ARFGAP3: variants seen among roughly 807,000 people sequenced by gnomAD.
The protein encoded by ARFGAP3 is ARF GTPase activating protein 3, also known as ADP-ribosylation factor GTPase-activating protein 3.
In ARFGAP3, 72 loss-of-function variants were observed where a neutral mutation model predicts 75.0. The ratio of observed to expected loss-of-function variants is 0.96; its 90% CI spans 0.79 to 1.17. The LOEUF (loss-of-function observed/expected upper bound fraction) is 1.17. Ranked by LOEUF, ARFGAP3 falls within the 50% of genes most tolerant of loss-of-function variation. ARFGAP3 has a pLI of 0.00. For synonymous variants in ARFGAP3, 221 were observed against 217.9 expected (o/e 1.01, Z -0.13); for missense variants, 620 against 626.6 (o/e 0.99, Z 0.11).
intron 11 of ARFGAP3, among the ~76,000 whole-genome samples, chr22:42,814,591 C>A (rs1463940280): frequency 1.3e-5 from 2 of 152,220 alleles, no homozygotes; most frequent in African/African-American, 2.4e-5. Context: ...TCTGAAAGAT[C>A]CCTGAAGCCT....
rs1477768615 is a variant in ARFGAP3, at chr22:42,797,285, G to A, written c.*303C>T. 8.0e-6 allele frequency: 3 copies of A among 373,816 alleles called. No homozygotes were observed. The highest frequency in any genetic ancestry group is 1.5e-5 in the Non-Finnish European group (3 of 205,620). The allele number at this position is 373,816 out of a possible 1,614,324, so 23.2% of individuals were successfully genotyped here. On this transcript the variant is annotated 3_prime_UTR_variant, in exon 16 of 16. Transcript: ENST00000263245. ...AAGCCTCCTGGTTCAGGAGCAGGAG[G>A]AGCCGAGGTCTCCAGGCCCTCAGTG... is the stretch of plus-strand genomic sequence containing the variant.
At chr22:42,832,613 A>G (rs1265177569) in intron 5 of ARFGAP3, among the ~76,000 whole-genome samples, 5 of 152,148 alleles carry the variant, frequency 3.3e-5, no homozygotes, top group Non-Finnish European at 5.9e-5. Flanking sequence ...CTCCTTACCC[A>G]GTGGGACTGG....
chr22:42,846,304 T>C (rs1354466403), intron 2 of ARFGAP3, among the ~76,000 whole-genome samples: 1 of 152,254 alleles, frequency 6.6e-6, no homozygotes, highest in African/African-American at 2.4e-5. Flanking sequence ...CAAGTTGTCC[T>C]GGCAAGGGCC....
rs550531097 is a variant in ARFGAP3, at chr22:42,834,982, A to G, written c.393+380T>C. On this transcript the variant is annotated intron_variant, in intron 4 of 15. Coordinates refer to ENST00000263245, the MANE Select transcript of ARFGAP3 (RefSeq NM_014570.5). The stretch of plus-strand genomic sequence containing the variant: ...CTCATGGAGAAAATTCAGGCATTAA[A>G]TAAGCTTCATTCAGGGCTGAGTTAT... 4.6e-5 allele frequency among the ~76,000 whole-genome samples: 7 copies of G among 152,330 alleles called. 1 individual carries two copies. The East Asian group carries it at 1.3e-3, about 29-fold the overall frequency.
chr22:42,821,165 C>T (rs1007026294), intron 9 of ARFGAP3, among the ~76,000 whole-genome samples: 1 of 152,198 alleles, frequency 6.6e-6, no homozygotes, highest in Non-Finnish European at 1.5e-5. Flanking sequence ...AGTCTTCCAT[C>T]ATGTATTTAG....
intron 14 of ARFGAP3, among the ~76,000 whole-genome samples, chr22:42,802,440 C>T (rs1420017907): frequency 1.3e-5 from 2 of 150,674 alleles, no homozygotes; most frequent in Admixed American, 6.6e-5. Context: ...TGCCCGCCAC[C>T]ACGCCCAGAT....
chr22:42,827,842 C>T (rs903114547), intron 6 of ARFGAP3, among the ~76,000 whole-genome samples: 1 of 151,866 alleles, frequency 6.6e-6, no homozygotes, highest in African/African-American at 2.4e-5. Flanking sequence ...CCAGAACTTT[C>T]GGAGGCCAAG....
At chr22:42,840,897 C>T (rs1391260861) in intron 3 of ARFGAP3, 47 bp downstream of exon 3, 1 of 1,589,608 alleles carries the variant, frequency 6.3e-7, no homozygotes. Context: ...TATAGCATAA[C>T]AAATATTTAA....
chr22:42,856,346 G>A (rs1389178457), intron 1 of ARFGAP3, among the ~76,000 whole-genome samples: 1 of 152,198 alleles, frequency 6.6e-6, no homozygotes, highest in Non-Finnish European at 1.5e-5. Context: ...GTCACAGGAG[G>A]GGCGGGGAGA....
At chr22:42,819,174 A>C (rs375439210) in intron 9 of ARFGAP3, among the ~76,000 whole-genome samples, 1 of 152,170 alleles carries the variant, frequency 6.6e-6, no homozygotes. Context: ...TAATGAGTCA[A>C]GCAAGATTTC....
chr22:42,852,154 A>C (rs977892345), intron 1 of ARFGAP3, among the ~76,000 whole-genome samples: 5 of 151,618 alleles, frequency 3.3e-5, no homozygotes, highest in South Asian at 4.2e-4. Context: ...TCCCGAGCTC[A>C]AGCAATCCTC....
At chr22:42,798,078 T>G (rs1924685022) in intron 15 of ARFGAP3, among the ~76,000 whole-genome samples, 2 of 152,368 alleles carry the variant, frequency 1.3e-5, no homozygotes, top group Admixed American at 1.3e-4. Context: ...GAGCCATCTC[T>G]AAAATGGGGA....
At chr22:42,806,454 A>C (rs1404280801) in intron 14 of ARFGAP3, among the ~76,000 whole-genome samples, 1 of 152,192 alleles carries the variant, frequency 6.6e-6, no homozygotes, top group East Asian at 1.9e-4. Context: ...CTGAACCCTG[A>C]AGAGGGATAT....
At chr22:42,850,088 C>T (rs1927207256) in intron 1 of ARFGAP3, among the ~76,000 whole-genome samples, 1 of 152,090 alleles carries the variant, frequency 6.6e-6, no homozygotes, top group African/African-American at 2.4e-5. Flanking sequence ...TGAAGCCCAA[C>T]AGGAGCATAA....
At chr22:42,804,080 T>C (rs1925005416) in intron 14 of ARFGAP3, among the ~76,000 whole-genome samples, 1 of 151,862 alleles carries the variant, frequency 6.6e-6, no homozygotes, top group South Asian at 2.1e-4. Context: ...ATTTTTGTAT[T>C]TTTTGTAGAG....
chr22:42,836,632 C>A (rs1247991795), intron 3 of ARFGAP3, among the ~76,000 whole-genome samples: 1 of 152,186 alleles, frequency 6.6e-6, no homozygotes, highest in African/African-American at 2.4e-5. Flanking sequence ...CATGTATAGA[C>A]ATGAATTATA....
At chr22:42,814,968 G>C (rs1478130758) in intron 11 of ARFGAP3, among the ~76,000 whole-genome samples, 1 of 152,122 alleles carries the variant, frequency 6.6e-6, no homozygotes, top group Non-Finnish European at 1.5e-5. Context: ...GAATTCCTGG[G>C]CTCGAGTGAT....
At chr22:42,824,652 A>G (rs1925961127) in intron 7 of ARFGAP3, among the ~76,000 whole-genome samples, 1 of 151,900 alleles carries the variant, frequency 6.6e-6, no homozygotes, top group Non-Finnish European at 1.5e-5. Context: ...GGTATGAACT[A>G]TCATGCCCAG....
intron 11 of ARFGAP3, among the ~76,000 whole-genome samples, chr22:42,812,659 AAAC>A (rs1264788700): frequency 6.6e-6 from 1 of 152,238 alleles, no homozygotes; most frequent in Non-Finnish European, 1.5e-5. Flanking sequence ...TCTTGGCAGA[AAAC>A]AAAACGAAAC....
Sources: gnomAD v4.1 joint callset for allele counts (sites outside exome capture counted in the v4.1 genomes callset) on GRCh38, gnomAD v4.1.1 for gene constraint, MANE v1.5 for transcripts, NCBI Gene and HGNC (gene_info 2026-07-23, HGNC 2026-07-21) for gene names.